FSD1L: variants seen among roughly 807,000 people sequenced by gnomAD.
FSD1L encodes the protein fibronectin type III and SPRY domain containing 1 like.
In FSD1L, 45 loss-of-function variants were observed where a neutral mutation model predicts 71.6. The observed-to-expected ratio is 0.63, with a 90% CI of 0.49 to 0.81. The LOEUF is 0.81. Among genes scored for constraint, FSD1L ranks in the 30% least tolerant of loss-of-function variants. The pLI, the probability that FSD1L is intolerant of heterozygous loss-of-function variation, is 0.00. For synonymous variants in FSD1L, 197 were observed against 207.2 expected, an observed-to-expected ratio of 0.95 and a Z score of 0.42; for missense variants, 561 against 618.1, an observed-to-expected ratio of 0.91 and a Z score of 0.98.
intron 2 of FSD1L, 27 bp from the exon 3 acceptor site, chr9:105,464,209 G>C (rs1026938061): frequency 8.0e-6 from 9 of 1,128,688 alleles, no homozygotes; most frequent in Middle Eastern, 2.2e-4. Context: ...TTGAAATATA[G>C]TATTTTAATG....
intron 1 of FSD1L, among the ~76,000 whole-genome samples, chr9:105,460,164 G>T (rs184148972): frequency 6.6e-6 from 1 of 152,260 alleles, no homozygotes; most frequent in East Asian, 1.9e-4. Context: ...TTCCCCTAAA[G>T]GCTTTAACAC....
Position 105,547,161 on chromosome 9 carries a change from G to A in FSD1L, c.*678G>A, listed in dbSNP as rs192816481. On this transcript the variant is annotated 3_prime_UTR_variant, in exon 14 of 14. Coordinates refer to ENST00000481272, the MANE Select transcript of FSD1L (RefSeq NM_001145313.3). The stretch of plus-strand genomic sequence containing the variant: ...ACCTACTGCACTAACAATGGCAAGG[G>A]GGGTATTCTTTATATGTTGCCTTGT... 3 of 152,384 alleles carry A rather than the reference G, an allele frequency of 2.0e-5. No homozygotes were observed. Among genetic ancestry groups the A allele is most frequent in the Non-Finnish European group, 4.4e-5 (3 of 67,930 alleles). 9.4% of individuals were successfully genotyped at this position (152,384 alleles called of 1,614,324 possible).
chr9:105,517,247 C>T (rs1335893205), intron 10 of FSD1L, among the ~76,000 whole-genome samples: 1 of 152,182 alleles, frequency 6.6e-6, no homozygotes, highest in Non-Finnish European at 1.5e-5. Context: ...GTTGGAAACA[C>T]TCTTCAGGGT....
intron 5 of FSD1L, chr9:105,473,460 A>C (rs1831603912): frequency 6.6e-6 from 1 of 152,240 alleles, no homozygotes; most frequent in South Asian, 2.1e-4. Flanking sequence ...ACAAGAGTTA[A>C]TGTCCTCTAT....
chr9:105,549,594 CTG>C lies in FSD1L; in HGVS notation c.*3113_*3114del, dbSNP rs1256430182. 2 of 152,012 alleles carry C rather than the reference CTG, an allele frequency of 1.3e-5. No individual in the cohort carries two copies. Among genetic ancestry groups the C allele is most frequent in the African/African-American group, 4.8e-5 (2 of 41,436 alleles). The allele number at this position is 152,012 out of a possible 1,614,324, so 9.4% of individuals were successfully genotyped here. A position where few individuals can be genotyped will look rare whatever the true frequency, so the allele number is the denominator to read the frequency against. ...TATGGCTAGACTTTGCCTATTTACTCTGTTATGCAAACAGTAATTTTTCCCTA... is the reference window on the plus strand; with the variant it reads ...TATGGCTAGACTTTGCCTATTTACTCTTATGCAAACAGTAATTTTTCCCTA... On this transcript the variant is annotated 3_prime_UTR_variant, in exon 14 of 14. Transcript: ENST00000481272.
intron 10 of FSD1L, chr9:105,520,809 A>C: frequency 6.2e-7 from 1 of 1,612,356 alleles, no homozygotes; most frequent in Non-Finnish European, 8.5e-7. Context: ...AACTCAAGTC[A>C]CTATAGAAGA....
intron 7 of FSD1L, among the ~76,000 whole-genome samples, chr9:105,492,461 A>G (rs1004472276): frequency 6.6e-6 from 1 of 152,094 alleles, no homozygotes; most frequent in Non-Finnish European, 1.5e-5. Context: ...TCCTGGATTC[A>G]TTAATTTTTT....
At chr9:105,469,825 TC>T (rs1831334609) in intron 4 of FSD1L, among the ~76,000 whole-genome samples, 1 of 152,124 alleles carries the variant, frequency 6.6e-6, no homozygotes, top group African/African-American at 2.4e-5. Context: ...CATTGTCATA[TC>T]CAGGAAATCA....
chr9:105,505,413 A>G (rs1229845632), intron 7 of FSD1L, among the ~76,000 whole-genome samples: 4 of 152,086 alleles, frequency 2.6e-5, no homozygotes, highest in African/African-American at 9.7e-5. Context: ...GGCGCATGCC[A>G]CCACACCTGG....
intron 10 of FSD1L, chr9:105,525,362 T>C (rs1835442490): frequency 1.5e-5 from 24 of 1,594,022 alleles, no homozygotes; most frequent in Non-Finnish European, 1.9e-5. Context: ...TCACTTAATA[T>C]TCCTGCTCCA....
At chr9:105,444,847 A>C (rs962454508), upstream of FSD1L, among the ~76,000 whole-genome samples, 2 of 152,186 alleles carry the variant, frequency 1.3e-5, no homozygotes, top group Non-Finnish European at 2.9e-5. Flanking sequence ...AGAGTTCATC[A>C]GAATCACCTA....
intron 1 of FSD1L, among the ~76,000 whole-genome samples, chr9:105,453,235 G>A (rs1830160467): frequency 6.6e-6 from 1 of 151,946 alleles, no homozygotes; most frequent in Admixed American, 6.6e-5. Context: ...AGGCTAGAGT[G>A]CAGCGGTATG....
chr9:105,475,837 G>A (rs1291676203), intron 5 of FSD1L, among the ~76,000 whole-genome samples: 2 of 152,084 alleles, frequency 1.3e-5, no homozygotes, highest in South Asian at 2.1e-4. Context: ...TTGAAAAATA[G>A]TTCCTTTTAT....
chr9:105,484,537 A>G, intron 7 of FSD1L, 35 bp downstream of exon 7: 1 of 1,384,190 alleles, frequency 7.2e-7, no homozygotes, highest in Non-Finnish European at 9.4e-7. Flanking sequence ...GTTTTGTATA[A>G]AACTTTTTTT....
intron 3 of FSD1L, among the ~76,000 whole-genome samples, chr9:105,465,548 A>G (rs901363034): frequency 6.6e-6 from 1 of 152,250 alleles, no homozygotes; most frequent in African/African-American, 2.4e-5. Context: ...CATTAAAAAG[A>G]TCATTTACCA....
intron 6 of FSD1L, among the ~76,000 whole-genome samples, chr9:105,483,461 G>T (rs372926106): frequency 2.0e-5 from 3 of 152,116 alleles, no homozygotes; most frequent in Admixed American, 1.3e-4. Flanking sequence ...GTACTAGGAG[G>T]ACAGTGTTCA....
intron 10 of FSD1L, chr9:105,520,571 A>C: frequency 7.3e-7 from 1 of 1,363,148 alleles, no homozygotes; most frequent in Non-Finnish European, 1.0e-6. Context: ...TGGCAGTTTC[A>C]TAATATTGGA....
At chr9:105,522,710 A>G in intron 10 of FSD1L, 1 of 1,607,234 alleles carries the variant, frequency 6.2e-7, no homozygotes, top group South Asian at 1.1e-5. Context: ...ACATGAGCCA[A>G]AAACTGCCTC....
At chr9:105,515,095 A>C (rs896838644) in intron 10 of FSD1L, among the ~76,000 whole-genome samples, 1 of 151,734 alleles carries the variant, frequency 6.6e-6, no homozygotes, top group South Asian at 2.1e-4. Flanking sequence ...TGGAATTGCA[A>C]CTCTCTCTCG....
Sources: gnomAD v4.1 joint callset for allele counts (sites outside exome capture counted in the v4.1 genomes callset) on GRCh38, gnomAD v4.1.1 for gene constraint, MANE v1.5 for transcripts, NCBI Gene and HGNC (gene_info 2026-07-23, HGNC 2026-07-21) for gene names.